NT5DC4: variants seen among roughly 807,000 people sequenced by gnomAD.
NT5DC4 encodes the protein 5'-nucleotidase domain containing 4.
A neutral mutation model predicts 26.6 loss-of-function variants in NT5DC4; 44 were observed. That is an observed-to-expected ratio of 1.65 (90% CI 1.30 to 2.13). The LOEUF (loss-of-function observed/expected upper bound fraction) is 2.13. Ranked by LOEUF, NT5DC4 falls within the 30% of genes most tolerant of loss-of-function variation. NT5DC4 has a pLI of 0.00. For missense variants in NT5DC4, 399 were observed against 228.1 expected (o/e 1.75, Z -4.83); for synonymous variants, 157 against 86.7 (o/e 1.81, Z -4.51).
chr2:112,739,034 G>A lies in NT5DC4; in HGVS notation c.*98G>A, dbSNP rs755625375. 1.3e-5 allele frequency: 21 copies of A among 1,613,580 alleles called. No homozygotes were observed. Among genetic ancestry groups the A allele is most frequent in the Non-Finnish European group, 1.8e-5 (21 of 1,179,780 alleles). Reference sequence around the variant, plus strand: ...GATAAATTTCATGTCTTGCACTTCCGGCATCCCATTTATTCTGAGAGACAG... The same window carrying A: ...GATAAATTTCATGTCTTGCACTTCCAGCATCCCATTTATTCTGAGAGACAG... On this transcript the variant is annotated 3_prime_UTR_variant, in exon 17 of 17. Coordinates refer to ENST00000688554, the MANE Select transcript of NT5DC4 (RefSeq NM_001393655.1).
At chr2:112,729,439 A>G (rs1678196687) in intron 15 of NT5DC4, among the ~76,000 whole-genome samples, 188 bp from the exon 16 acceptor site, 1 of 152,148 alleles carries the variant, frequency 6.6e-6, no homozygotes. Flanking sequence ...GGGATTTTTG[A>G]GGAAGTGAAG....
intron 16 of NT5DC4, chr2:112,736,862 T>C (rs1209140309): frequency 6.6e-6 from 1 of 152,228 alleles, no homozygotes; most frequent in Admixed American, 6.5e-5. Context: ...TGTTTCCACA[T>C]CTTGGCTATT....
In NT5DC4 at chr2:112,722,230, C is replaced by A. The variant is rs1279911214; in HGVS notation, c.314C>A (p.Ala105Asp). 1 of 717,052 alleles carries A rather than the reference C, an allele frequency of 1.4e-6. No homozygotes were observed. Among genetic ancestry groups the A allele is most frequent in the Admixed American group, 2.0e-5 (1 of 50,018 alleles). 44.4% of individuals were successfully genotyped at this position (717,052 alleles called of 1,614,324 possible). The change falls in exon 4 of 17, where the codon GCC becomes GAC. Residue 105 changes from alanine (A) to aspartate (D), a missense_variant. Ala to Asp is a moderately radical substitution (Grantham distance 126). Coordinates refer to ENST00000688554, the MANE Select transcript of NT5DC4 (RefSeq NM_001393655.1). ...TATGGGAACCTGCTGAAGGTGGACG[C>A]CCACGGGAATGTGCTGCTGGGTGCC... ...ELYGNLLKVD[A>D]HGNVLLGAYG...
chr2:112,738,758 G>T, intron 16 of NT5DC4, 155 bp from the exon 17 acceptor site: 3 of 1,104,238 alleles, frequency 2.7e-6, no homozygotes, highest in Non-Finnish European at 4.1e-6. Context: ...CAGGTCACTT[G>T]GACAAGAATA....
At chr2:112,719,209 G>A (rs1316230607), upstream of NT5DC4, among the ~76,000 whole-genome samples, 1 of 152,174 alleles carries the variant, frequency 6.6e-6, no homozygotes, top group Non-Finnish European at 1.5e-5. Flanking sequence ...CATTATGATG[G>A]CGATGAGGTC....
downstream of NT5DC4, chr2:112,741,071 A>C: frequency 9.4e-7 from 1 of 1,068,070 alleles, no homozygotes; most frequent in Non-Finnish European, 1.4e-6. Flanking sequence ...CTAGAAGTCA[A>C]TAACATGAAA....
intron 15 of NT5DC4, 46 bp from the exon 16 acceptor site, chr2:112,729,581 T>G (rs1175982909): frequency 2.8e-6 from 2 of 717,138 alleles, no homozygotes; most frequent in Admixed American, 4.0e-5. Flanking sequence ...TGGAAGGCCG[T>G]ACCCGGGACG....
In NT5DC4 at chr2:112,724,350, G is replaced by A. The variant is rs190897359; in HGVS notation, c.789+224G>A. 1.5e-4 allele frequency: 88 copies of A among 605,706 alleles called. No individual in the cohort carries two copies. In the African/African-American group the frequency reaches 1.5e-3, roughly 10 times the overall value. The allele number at this position is 605,706 out of a possible 1,614,324, so 37.5% of individuals were successfully genotyped here. A position where few individuals can be genotyped will look rare whatever the true frequency, so the allele number is the denominator to read the frequency against. ...GAGCCTTTGGGGGTGATAGGAGGCA[G>A]TCAGGTATGTGGGGACGGGCGGCAG... On this transcript the variant is annotated intron_variant, in intron 10 of 16. Coordinates refer to ENST00000688554, the MANE Select transcript of NT5DC4 (RefSeq NM_001393655.1).
intron 16 of NT5DC4, chr2:112,731,822 A>G (rs1291528148): frequency 6.6e-6 from 1 of 152,058 alleles, no homozygotes; most frequent in Admixed American, 6.6e-5. Flanking sequence ...CTGAGGACAC[A>G]CTTCATTAGC....
upstream of NT5DC4, among the ~76,000 whole-genome samples, chr2:112,719,864 C>CTCCT: frequency 1.5e-5 from 2 of 135,698 alleles, 1 homozygote; most frequent in Middle Eastern, 7.5e-3. Context: ...CCCTCCCTCC[C>CTCCT]TCCTTTCTTT....
intron 1 of NT5DC4, chr2:112,721,462 G>C (rs562602177): frequency 1.4e-6 from 1 of 717,588 alleles, no homozygotes; most frequent in Non-Finnish European, 2.6e-6. Context: ...TGGACACTGG[G>C]GTCCCATTTC....
intron 9 of NT5DC4, 66 bp from the exon 10 acceptor site, chr2:112,724,028 G>A (rs1364842735): frequency 1.4e-6 from 1 of 715,702 alleles, no homozygotes; most frequent in African/African-American, 1.7e-5. Flanking sequence ...TGGGGGGATG[G>A]TGGGTGAGGG....
chr2:112,720,854 T>G (rs149252381), upstream of NT5DC4, among the ~76,000 whole-genome samples: 1,421 of 152,300 alleles, frequency 9.3e-3, 64 homozygotes, highest in Admixed American at 0.079. Context: ...GAATTGCTCT[T>G]CCTAGATCCT....
chr2:112,736,413 TATAG>T (rs1679177975), intron 16 of NT5DC4, among the ~76,000 whole-genome samples: 1 of 152,164 alleles, frequency 6.6e-6, no homozygotes, highest in Non-Finnish European at 1.5e-5. Flanking sequence ...ATGGGATACA[TATAG>T]ATAATAAAAT....
intron 16 of NT5DC4, chr2:112,737,636 G>A (rs1470232841): frequency 6.6e-6 from 1 of 152,028 alleles, no homozygotes; most frequent in Non-Finnish European, 1.5e-5. Context: ...CAGGTTTATA[G>A]CTCAGTTTTT....
intron 16 of NT5DC4, among the ~76,000 whole-genome samples, chr2:112,733,419 C>T (rs893847452): frequency 3.4e-5 from 4 of 119,292 alleles, no homozygotes; most frequent in African/African-American, 9.7e-5. Context: ...ACACATTTCC[C>T]TGCTTCTTTA....
At position 112,722,734 on chromosome 2, in the gene NT5DC4, T is replaced by C. The variant is rs904994785; in HGVS notation, c.490T>C (p.Leu164=). 1.4e-6 allele frequency: 1 copy of C among 717,702 alleles called. No homozygotes were observed. Among genetic ancestry groups the C allele is most frequent in the East Asian group, 2.7e-5 (1 of 37,264 alleles). 44.5% of individuals were successfully genotyped at this position (717,702 alleles called of 1,614,324 possible). The change falls in exon 6 of 17, where the codon TTG becomes CTG. Residue 164 remains leucine, a synonymous_variant. Coordinates refer to ENST00000688554, the MANE Select transcript of NT5DC4 (RefSeq NM_001393655.1). ...NLPETYLYAC[L]VDFFSGCSRY... ...CCCAGAAACCTACCTCTATGCCTGC[T>C]TGGTGGACTTCTTCTCTGGCTGCTC...
intron 1 of NT5DC4, 195 bp downstream of exon 1, chr2:112,721,348 G>A (rs1036401312): frequency 4.4e-5 from 29 of 654,774 alleles, no homozygotes; most frequent in Non-Finnish European, 6.7e-5. Flanking sequence ...ACACTCCGGC[G>A]GGAGGTCCTC....
chr2:112,725,316 G>C (rs1558730549), intron 12 of NT5DC4, 66 bp from the exon 13 acceptor site: 4 of 690,768 alleles, frequency 5.8e-6, no homozygotes, highest in African/African-American at 1.8e-5. Flanking sequence ...CCCCTCACCT[G>C]CCCCGAGTCA....
Sources: allele counts gnomAD v4.1 joint callset (sites outside exome capture counted in the v4.1 genomes callset), GRCh38; gene constraint gnomAD v4.1.1; transcripts MANE v1.5; gene names NCBI Gene and HGNC (gene_info 2026-07-23, HGNC 2026-07-21).